STK33: variants seen among roughly 807,000 people sequenced by gnomAD.
STK33 encodes the protein serine/threonine-protein kinase 33.
In STK33, 52 loss-of-function variants were observed where a neutral mutation model predicts 58.0. The ratio of observed to expected loss-of-function variants is 0.90; its 90% CI spans 0.72 to 1.13. STK33 has a LOEUF of 1.13. Ranked by LOEUF, STK33 falls within the 50% of genes most tolerant of loss-of-function variation. The pLI, the probability that STK33 is intolerant of heterozygous loss-of-function variation, is 0.00. For missense variants in STK33, 630 were observed against 604.2 expected (o/e 1.04, Z -0.45); for synonymous variants, 215 against 200.1 (o/e 1.07, Z -0.63).
In STK33 at chr11:8,473,144, T is replaced by G; in HGVS notation, c.339+19A>C. The G allele has an allele frequency of 6.6e-7, 1 of 1,512,030 alleles. No homozygotes were observed. The highest frequency in any genetic ancestry group is 9.1e-7 in the Non-Finnish European group (1 of 1,102,286). 93.7% of individuals were successfully genotyped at this position (1,512,030 alleles called of 1,614,324 possible). On this transcript the variant is annotated intron_variant, in intron 6 of 15. Transcript: ENST00000687296. ...AGAAACCTGAAAGTTCACAGTAGCT[T>G]CATTTGCTTTCTATATACCTCAATA...
chr11:8,392,422 T>C lies in STK33; in HGVS notation c.*88A>G, dbSNP rs1290759084. On this transcript the variant is annotated 3_prime_UTR_variant, in exon 16 of 16. Coordinates refer to ENST00000687296, the MANE Select transcript of STK33 (RefSeq NM_001352389.2). The stretch of plus-strand genomic sequence containing the variant: ...GAGCTAAAAGGCTACAAGCTCAGCA[T>C]AGGGCTGTCTTCTTCCCCTCCTACC... 4.1e-6 allele frequency: 6 copies of C among 1,471,896 alleles called. No homozygotes were observed. The highest frequency in any genetic ancestry group is 1.2e-5 in the South Asian group (1 of 84,404). 91.2% of individuals were successfully genotyped at this position (1,471,896 alleles called of 1,614,324 possible).
the STK33 span, among the ~76,000 whole-genome samples, chr11:8,352,162 G>A: frequency 6.6e-6 from 1 of 152,182 alleles, no homozygotes. Flanking sequence ...TGGTTTGGGG[G>A]AAAAGGAGTT....
At chr11:8,591,107 G>A (rs1252925226) in intron 1 of STK33, among the ~76,000 whole-genome samples, 1 of 152,194 alleles carries the variant, frequency 6.6e-6, no homozygotes, top group Admixed American at 6.5e-5. Context: ...ACGTGTGACA[G>A]ATAAGTCAAT....
chr11:8,374,902 C>A, the STK33 span, among the ~76,000 whole-genome samples: 2 of 152,314 alleles, frequency 1.3e-5, no homozygotes, highest in Non-Finnish European at 2.9e-5. Flanking sequence ...AGATTCTGGT[C>A]TGGCGGCCGC....
chr11:8,495,232 C>T (rs1251375956), intron 1 of STK33, among the ~76,000 whole-genome samples: 1 of 152,020 alleles, frequency 6.6e-6, no homozygotes, highest in Non-Finnish European at 1.5e-5. Context: ...CTACAAAGAA[C>T]TTAAACAAAT....
intron 1 of STK33, among the ~76,000 whole-genome samples, chr11:8,541,981 T>G (rs540894948): frequency 1.2e-4 from 19 of 152,310 alleles, no homozygotes; most frequent in African/African-American, 4.3e-4. Context: ...GAGAACAGTC[T>G]CTATAATAAT....
At chr11:8,438,083 C>A (rs1944299320) in intron 12 of STK33, among the ~76,000 whole-genome samples, 1 of 152,184 alleles carries the variant, frequency 6.6e-6, no homozygotes, top group African/African-American at 2.4e-5. Flanking sequence ...ATATGCACAT[C>A]CACCAATTTC....
At chr11:8,535,451 G>A (rs1014448048) in intron 1 of STK33, among the ~76,000 whole-genome samples, 1 of 152,100 alleles carries the variant, frequency 6.6e-6, no homozygotes, top group Non-Finnish European at 1.5e-5. Flanking sequence ...TTTCTCAAAA[G>A]AAGAGCTACA....
At chr11:8,486,846 T>C (rs1349672994) in intron 1 of STK33, among the ~76,000 whole-genome samples, 6 of 152,168 alleles carry the variant, frequency 3.9e-5, no homozygotes, top group African/African-American at 1.4e-4. Flanking sequence ...AGACAAATTC[T>C]AGAGGTATTT....
chr11:8,443,531 T>A (rs1945026396), intron 11 of STK33, among the ~76,000 whole-genome samples: 1 of 151,968 alleles, frequency 6.6e-6, no homozygotes. Context: ...ATAATTTTTC[T>A]ATTAAACAAG....
At chr11:8,549,463 T>C (rs1271773879) in intron 1 of STK33, among the ~76,000 whole-genome samples, 2 of 152,098 alleles carry the variant, frequency 1.3e-5, no homozygotes, top group Non-Finnish European at 2.9e-5. Context: ...TTTTTTGTTA[T>C]GGCTTTGCCT....
chr11:8,356,975 C>T, the STK33 span, among the ~76,000 whole-genome samples: 2 of 152,202 alleles, frequency 1.3e-5, no homozygotes, highest in Non-Finnish European at 2.9e-5. Flanking sequence ...GCGGGGCCCA[C>T]ACAGCTGGAC....
At chr11:8,576,244 G>GT (rs1274009238) in intron 1 of STK33, among the ~76,000 whole-genome samples, 48 of 152,134 alleles carry the variant, frequency 3.2e-4, no homozygotes, top group Admixed American at 6.6e-5. Flanking sequence ...TGGGAAATGC[G>GT]TTATTAGTGA....
At chr11:8,501,186 T>C (rs927525005) in intron 1 of STK33, among the ~76,000 whole-genome samples, 1 of 152,022 alleles carries the variant, frequency 6.6e-6, no homozygotes, top group African/African-American at 2.4e-5. Context: ...AAAGGAAAAA[T>C]AGATACATGG....
chr11:8,493,504 A>T (rs1950806714), intron 1 of STK33, among the ~76,000 whole-genome samples: 1 of 152,220 alleles, frequency 6.6e-6, no homozygotes, highest in South Asian at 2.1e-4. Context: ...TCACAGTGGA[A>T]TTCTACCAGA....
intron 1 of STK33, among the ~76,000 whole-genome samples, chr11:8,582,577 A>C (rs1054091290): frequency 2.0e-5 from 3 of 152,176 alleles, no homozygotes; most frequent in African/African-American, 7.2e-5. Flanking sequence ...AGCATCAGGG[A>C]AACTGTCACC....
At chr11:8,494,111 T>G (rs192995326) in intron 1 of STK33, among the ~76,000 whole-genome samples, 1 of 151,990 alleles carries the variant, frequency 6.6e-6, no homozygotes, top group Non-Finnish European at 1.5e-5. Context: ...AAGCAGGCAA[T>G]AGAAAGAAAT....
chr11:8,371,611 TTC>T, the STK33 span, among the ~76,000 whole-genome samples: 1 of 147,160 alleles, frequency 6.8e-6, no homozygotes, highest in Non-Finnish European at 1.5e-5. Context: ...TTCTCTTTCT[TTC>T]TCTTTCTTTT....
chr11:8,463,446 G>A (rs1947813333), intron 7 of STK33, among the ~76,000 whole-genome samples: 1 of 152,148 alleles, frequency 6.6e-6, no homozygotes, highest in African/African-American at 2.4e-5. Flanking sequence ...CTCGCCTGCT[G>A]CTCATCTCCT....
Sources: allele counts gnomAD v4.1 joint callset (sites outside exome capture counted in the v4.1 genomes callset), GRCh38; gene constraint gnomAD v4.1.1; transcripts MANE v1.5; gene names NCBI Gene and HGNC (gene_info 2026-07-23, HGNC 2026-07-21).